Variants in WDPCP observed in about 807,000 individuals in gnomAD.
WDPCP encodes WD repeat-containing and planar cell polarity effector protein fritz homolog.
Under a neutral mutation model 93.1 loss-of-function variants are expected in WDPCP, and 71 were observed. The ratio of observed to expected loss-of-function variants is 0.76; its 90% CI spans 0.63 to 0.93. The LOEUF (loss-of-function observed/expected upper bound fraction) is 0.93. WDPCP is among the 40% of genes least tolerant of loss of function. The pLI is 0.00. For synonymous variants in WDPCP, 315 were observed against 315.0 expected (o/e 1.00, Z 0.00); for missense variants, 844 against 887.4 (o/e 0.95, Z 0.62).
intron 13 of WDPCP, among the ~76,000 whole-genome samples, chr2:63,273,648 T>G (rs1179277755): frequency 6.6e-6 from 1 of 151,870 alleles, no homozygotes; most frequent in African/African-American, 2.4e-5. Context: ...GTTGCACAAA[T>G]GGAAACCAAC....
intron 2 of WDPCP, among the ~76,000 whole-genome samples, chr2:63,652,983 A>G (rs549125453): frequency 6.6e-6 from 1 of 151,786 alleles, no homozygotes; most frequent in Admixed American, 6.6e-5. Flanking sequence ...CAGATATTGG[A>G]TAATAGGCAG....
At chr2:63,595,375 T>C (rs1397204144) in intron 3 of WDPCP, 1 of 1,159,196 alleles carries the variant, frequency 8.6e-7, no homozygotes, top group African/African-American at 1.5e-5. Flanking sequence ...TTCTTGTGTC[T>C]AAATGAAATA....
intron 2 of WDPCP, among the ~76,000 whole-genome samples, chr2:63,786,035 T>C (rs1036650008): frequency 6.6e-6 from 1 of 152,174 alleles, no homozygotes. Flanking sequence ...ATGATTCTCT[T>C]TGGTTTTTTC....
At chr2:63,269,352 T>C (rs984296822) in intron 13 of WDPCP, among the ~76,000 whole-genome samples, 4 of 152,190 alleles carry the variant, frequency 2.6e-5, no homozygotes, top group African/African-American at 7.2e-5. Flanking sequence ...TTAAATGAAA[T>C]TGGCTTCCAC....
Position 63,338,563 on chromosome 2 carries a change from AAAAAAAATATATATATATATATATAT to A in WDPCP, c.1749-25278_1749-25253del, listed in dbSNP as rs1274244700. ...GCAAAACTCCATCTAAAAAAAAAAA[AAAAAAAATATATATATATATATATAT>A]ATATATATATATATATATATATATA... On this transcript the variant is annotated intron_variant, in intron 12 of 17. Coordinates refer to ENST00000272321, the MANE Select transcript of WDPCP (RefSeq NM_015910.7). Among the ~76,000 whole-genome samples the A allele has an allele frequency of 1.9e-3, 160 of 86,474 alleles. 19 individuals are homozygous for A. The highest frequency in any genetic ancestry group is 4.2e-3 in the African/African-American group (99 of 23,432). 56.7% of individuals were successfully genotyped at this position (86,474 alleles called of 152,430 possible).
intron 1 of WDPCP, among the ~76,000 whole-genome samples, chr2:63,559,324 T>A (rs1274795827): frequency 1.3e-5 from 2 of 152,186 alleles, no homozygotes; most frequent in Admixed American, 1.3e-4. Flanking sequence ...TTATATTGAA[T>A]GGGCAAAAGC....
intron 14 of WDPCP, chr2:63,228,809 C>T (rs1475369257): frequency 1.3e-5 from 2 of 152,132 alleles, no homozygotes; most frequent in African/African-American, 4.8e-5. Context: ...ATATGTGCCA[C>T]ATTTTCTTAA....
At chr2:63,452,166 A>G (rs1698293700) in intron 6 of WDPCP, among the ~76,000 whole-genome samples, 1 of 152,228 alleles carries the variant, frequency 6.6e-6, no homozygotes, top group African/African-American at 2.4e-5. Context: ...CTGTTTGCAG[A>G]TGACATGATT....
At position 63,121,982 on chromosome 2, in the gene WDPCP, G is replaced by C. The variant is rs201914200; in HGVS notation, c.*24C>G. The C allele has an allele frequency of 9.0e-5, 145 of 1,612,758 alleles. 3 individuals carry two copies. In the South Asian group the frequency reaches 1.5e-3, roughly 17 times the overall value. On this transcript the variant is annotated 3_prime_UTR_variant, in exon 18 of 18. Coordinates refer to ENST00000272321, the MANE Select transcript of WDPCP (RefSeq NM_015910.7). ...CATGAAAAGTTTAGATATGAAGAAG[G>C]CAGTTTTCTTTTTTTCTTAATGTTT... is the stretch of plus-strand genomic sequence containing the variant.
At chr2:63,601,999 A>C (rs1709427868) in intron 3 of WDPCP, among the ~76,000 whole-genome samples, 1 of 152,234 alleles carries the variant, frequency 6.6e-6, no homozygotes, top group South Asian at 2.1e-4. Context: ...CCTATCCCAC[A>C]GGCTAAGCAG....
At chr2:63,291,998 T>A (rs1244376676) in intron 13 of WDPCP, among the ~76,000 whole-genome samples, 1 of 150,054 alleles carries the variant, frequency 6.7e-6, no homozygotes, top group Non-Finnish European at 1.5e-5. Flanking sequence ...CCGGGCGCGG[T>A]GGCGGGCGCC....
At chr2:63,716,063 A>T (rs904093262) in intron 2 of WDPCP, among the ~76,000 whole-genome samples, 1 of 152,240 alleles carries the variant, frequency 6.6e-6, no homozygotes, top group African/African-American at 2.4e-5. Flanking sequence ...TCAAAATAAG[A>T]CACTAAAGGA....
chr2:63,550,062 C>T (rs1445003323), intron 1 of WDPCP, among the ~76,000 whole-genome samples: 1 of 56,192 alleles, frequency 1.8e-5, no homozygotes, highest in East Asian at 6.3e-3. Flanking sequence ...CCAATGCTTT[C>T]TCTCTCTCTC....
At chr2:63,375,261 A>G (rs1691755880) in intron 12 of WDPCP, among the ~76,000 whole-genome samples, 1 of 151,946 alleles carries the variant, frequency 6.6e-6, no homozygotes, top group Admixed American at 6.6e-5. Context: ...TTCCCTGTTC[A>G]GTACTTGTGG....
intron 15 of WDPCP, among the ~76,000 whole-genome samples, chr2:63,174,432 A>G (rs905124341): frequency 2.0e-5 from 3 of 152,202 alleles, no homozygotes; most frequent in African/African-American, 7.2e-5. Flanking sequence ...TCAATATGTT[A>G]TAGTAATTTC....
At chr2:63,277,874 C>T (rs1284169571) in intron 13 of WDPCP, among the ~76,000 whole-genome samples, 1 of 152,136 alleles carries the variant, frequency 6.6e-6, no homozygotes, top group East Asian at 1.9e-4. Context: ...AAACAATGGA[C>T]TTAAACTATA....
At chr2:63,399,557 T>G in intron 10 of WDPCP, among the ~76,000 whole-genome samples, 1 of 116,188 alleles carries the variant, frequency 8.6e-6, no homozygotes, top group South Asian at 3.0e-4. Context: ...ACTGGGTAAT[T>G]TAGAGGGTGA....
chr2:63,496,052 T>C (rs532299821), intron 1 of WDPCP, among the ~76,000 whole-genome samples: 4 of 152,188 alleles, frequency 2.6e-5, no homozygotes, highest in Non-Finnish European at 5.9e-5. Context: ...TTCTAGACTA[T>C]ACTAGAAAAA....
chr2:63,833,642 A>G, the WDPCP span, among the ~76,000 whole-genome samples: 3 of 152,224 alleles, frequency 2.0e-5, no homozygotes, highest in Non-Finnish European at 2.9e-5. Context: ...ATCATCTATA[A>G]TGTTGAGGAA....
Sources: allele counts gnomAD v4.1 joint callset (sites outside exome capture counted in the v4.1 genomes callset), GRCh38; gene constraint gnomAD v4.1.1; transcripts MANE v1.5; gene names NCBI Gene and HGNC (gene_info 2026-07-23, HGNC 2026-07-21).